Variants in DOCK3 observed in about 807,000 individuals in gnomAD.
DOCK3 encodes dedicator of cytokinesis 3, also known as dedicator of cytokinesis protein 3.
DOCK3 carries 60 observed loss-of-function variants against 265.6 expected under a neutral mutation model. The observed-to-expected ratio is 0.23, with a 90% CI of 0.18 to 0.28. DOCK3 has a LOEUF of 0.28. DOCK3 is among the 10% of genes least tolerant of loss of function. The pLI, the probability that DOCK3 is intolerant of heterozygous loss-of-function variation, is 1.00. For synonymous variants in DOCK3, 881 were observed against 938.0 expected, an observed-to-expected ratio of 0.94 and a Z score of 1.11; for missense variants, 1,981 against 2,594.3, an observed-to-expected ratio of 0.76 and a Z score of 5.14.
At chr3:50,853,204 TG>T (rs936784305) in intron 3 of DOCK3, among the ~76,000 whole-genome samples, 1 of 152,178 alleles carries the variant, frequency 6.6e-6, no homozygotes, top group African/African-American at 2.4e-5. Context: ...TTCCAGCTTC[TG>T]GTAACCATCA....
At chr3:51,045,706 C>A (rs1393943206) in intron 5 of DOCK3, among the ~76,000 whole-genome samples, 1 of 152,080 alleles carries the variant, frequency 6.6e-6, no homozygotes, top group African/African-American at 2.4e-5. Context: ...GGTCTTAATT[C>A]ATAGGATATC....
At chr3:51,281,411 G>A (rs572558848) in intron 27 of DOCK3, among the ~76,000 whole-genome samples, 4 of 151,306 alleles carry the variant, frequency 2.6e-5, no homozygotes, top group East Asian at 1.9e-4. Flanking sequence ...GCTTGTTGTC[G>A]AACTTATTGT....
At chr3:50,747,008 A>AT (rs34966147) in intron 1 of DOCK3, among the ~76,000 whole-genome samples, 124,166 of 152,076 alleles carry the variant, frequency 0.82, 51,228 homozygotes, top group Middle Eastern at 0.89. Context: ...ATTCAAGTAC[A>AT]TTTTTTTTCA....
In DOCK3 at chr3:51,143,884, T is replaced by C. The variant is rs2085177571; in HGVS notation, c.747-2665T>C. On this transcript the variant is annotated intron_variant, in intron 9 of 52. Coordinates refer to ENST00000266037, the MANE Select transcript of DOCK3 (RefSeq NM_004947.5). Reference sequence around the variant, plus strand: ...GTGATTTGTGATATTTGCTTAATAATCTGGGGCGACAGAAAGTTTTCTACT... The same window carrying C: ...GTGATTTGTGATATTTGCTTAATAACCTGGGGCGACAGAAAGTTTTCTACT... Among the ~76,000 whole-genome samples the C allele has an allele frequency of 3.3e-5, 5 of 152,344 alleles. No individual in the cohort carries two copies. In the South Asian group the frequency reaches 1.0e-3, roughly 32 times the overall value.
intron 9 of DOCK3, among the ~76,000 whole-genome samples, chr3:51,127,691 G>C (rs1399655613): frequency 6.6e-6 from 1 of 152,232 alleles, no homozygotes; most frequent in Non-Finnish European, 1.5e-5. Context: ...AGCTGGTCAT[G>C]TGGTCATAGC....
intron 4 of DOCK3, among the ~76,000 whole-genome samples, chr3:50,913,523 A>G (rs1002197829): frequency 1.1e-4 from 16 of 151,972 alleles, no homozygotes; most frequent in African/African-American, 3.9e-4. Flanking sequence ...CAGCACTCAC[A>G]TAGGAGTTTC....
At chr3:51,152,100 G>T (rs563967486) in intron 10 of DOCK3, among the ~76,000 whole-genome samples, 3 of 152,218 alleles carry the variant, frequency 2.0e-5, no homozygotes, top group African/African-American at 7.2e-5. Flanking sequence ...TTTCCAGCTT[G>T]GTTCCATTCT....
At chr3:51,185,213 A>C (rs1576347025) in intron 12 of DOCK3, among the ~76,000 whole-genome samples, 1 of 152,200 alleles carries the variant, frequency 6.6e-6, no homozygotes, top group East Asian at 1.9e-4. Context: ...ACTAATAGTA[A>C]ATTATCAGTA....
intron 5 of DOCK3, among the ~76,000 whole-genome samples, chr3:51,035,969 ATCT>A (rs1389109070): frequency 6.6e-6 from 1 of 152,104 alleles, no homozygotes. Context: ...GTTGCCTATA[ATCT>A]TCTCCTGATT....
At chr3:51,305,104 T>A (rs1299836897) in intron 27 of DOCK3, among the ~76,000 whole-genome samples, 2 of 152,172 alleles carry the variant, frequency 1.3e-5, no homozygotes, top group African/African-American at 4.8e-5. Flanking sequence ...TTGCTCAAGT[T>A]TTTTATTTCT....
At chr3:51,337,450 T>C (rs1159526561) in intron 35 of DOCK3, among the ~76,000 whole-genome samples, 4 of 152,168 alleles carry the variant, frequency 2.6e-5, no homozygotes, top group Admixed American at 2.6e-4. Flanking sequence ...AACCTGACCC[T>C]AGAAATCTGT....
chr3:50,960,179 G>A (rs933044445), intron 5 of DOCK3, among the ~76,000 whole-genome samples: 1 of 152,132 alleles, frequency 6.6e-6, no homozygotes, highest in Non-Finnish European at 1.5e-5. Context: ...AAATCTGTGT[G>A]TAAACATATG....
At chr3:50,898,413 T>C (rs571057859) in intron 4 of DOCK3, among the ~76,000 whole-genome samples, 3 of 152,308 alleles carry the variant, frequency 2.0e-5, no homozygotes, top group Non-Finnish European at 2.9e-5. Context: ...ATTTTGTTAA[T>C]CTTTTCAAAA....
intron 26 of DOCK3, 28 bp downstream of exon 26, chr3:51,277,782 G>T: frequency 6.3e-7 from 1 of 1,598,870 alleles, no homozygotes; most frequent in Non-Finnish European, 8.5e-7. Context: ...AGGTTTTCTT[G>T]CCTTCTTTTC....
chr3:50,986,245 C>T (rs2077894735), intron 5 of DOCK3, among the ~76,000 whole-genome samples: 1 of 152,040 alleles, frequency 6.6e-6, no homozygotes, highest in African/African-American at 2.4e-5. Context: ...GATGAATAAA[C>T]CAAAAAAAAT....
At chr3:51,366,920 A>G (rs963836704) in intron 49 of DOCK3, among the ~76,000 whole-genome samples, 14 of 152,264 alleles carry the variant, frequency 9.2e-5, no homozygotes, top group East Asian at 3.9e-4. Context: ...TATGTGGTCA[A>G]TTTTGGAATA....
chr3:51,321,522 A>G (rs1271903529), intron 32 of DOCK3, among the ~76,000 whole-genome samples: 2 of 152,194 alleles, frequency 1.3e-5, no homozygotes, highest in African/African-American at 4.8e-5. Flanking sequence ...GGGTAATAAC[A>G]AACTCCTCCA....
intron 27 of DOCK3, among the ~76,000 whole-genome samples, chr3:51,284,267 G>A (rs1027778280): frequency 2.6e-5 from 4 of 152,032 alleles, no homozygotes; most frequent in Non-Finnish European, 5.9e-5. Flanking sequence ...GCAGTTTTAT[G>A]TGAGCACATA....
Position 51,034,589 on chromosome 3 carries a change from C to T in DOCK3, c.316-29859C>T, listed in dbSNP as rs1460224184. ...ATTAAATCTTTATATATCATGATTC[C>T]TTAAGACAGTGTTATGGTTTTTTCT... On this transcript the variant is annotated intron_variant, in intron 5 of 52. Coordinates refer to ENST00000266037, the MANE Select transcript of DOCK3 (RefSeq NM_004947.5). Among the ~76,000 whole-genome samples, 9 of 151,880 alleles carry T rather than the reference C, an allele frequency of 5.9e-5. No homozygotes were observed. The East Asian group carries it at 1.7e-3, about 29-fold the overall frequency.
Sources: gnomAD v4.1 joint callset for allele counts (sites outside exome capture counted in the v4.1 genomes callset) on GRCh38, gnomAD v4.1.1 for gene constraint, MANE v1.5 for transcripts, NCBI Gene and HGNC (gene_info 2026-07-23, HGNC 2026-07-21) for gene names.